The following PAQR5 variants were observed in gnomAD, a reference collection of about 807,000 sequenced individuals.
PAQR5 encodes membrane progestin receptor gamma.
Under a neutral mutation model 34.5 loss-of-function variants are expected in PAQR5, and 20 were observed. The ratio of observed to expected loss-of-function variants is 0.58; its 90% confidence interval spans 0.41 to 0.84. The LOEUF (loss-of-function observed/expected upper bound fraction) is 0.84, where lower values mean the gene tolerates loss of function less well. Ranked by LOEUF, PAQR5 falls within the 40% of genes least tolerant of loss-of-function variation. PAQR5 has a pLI of 0.00. For missense variants in PAQR5, 378 were observed against 412.7 expected (o/e 0.92, Z 0.73); for synonymous variants, 131 against 155.6 (o/e 0.84, Z 1.18).
intron 2 of PAQR5, among the ~76,000 whole-genome samples, chr15:69,348,898 A>T (rs572580416): frequency 6.6e-6 from 1 of 152,296 alleles, no homozygotes; most frequent in Admixed American, 6.5e-5. Context: ...GTGCCACTCG[A>T]ACTTTGCACT....
intron 1 of PAQR5, among the ~76,000 whole-genome samples, chr15:69,324,982 T>C (rs1372064333): frequency 6.6e-6 from 1 of 151,232 alleles, no homozygotes; most frequent in Non-Finnish European, 1.5e-5. Context: ...CATTACAATC[T>C]CTTCCTCCCA....
rs59970710 is a variant in PAQR5 at position 69,300,912 on chromosome 15, C to T, written c.-277+1856C>T. Among the ~76,000 whole-genome samples the T allele has an allele frequency of 2.8e-3, 36 of 13,058 alleles. 6 individuals are homozygous for T. Among genetic ancestry groups the T allele is most frequent in the East Asian group, 8.0e-3 (2 of 250 alleles). 8.6% of individuals were successfully genotyped at this position (13,058 alleles called of 152,430 possible). ...TTCTTTCTTCCTTCCTTCCTTCCTTCCTTTCTCTCTCTCTCTCTCTCTCTC... is the reference window on the plus strand; with the variant it reads ...TTCTTTCTTCCTTCCTTCCTTCCTTTCTTTCTCTCTCTCTCTCTCTCTCTC... On this transcript the variant is annotated intron_variant, in intron 1 of 8. Coordinates refer to ENST00000395407, the MANE Select transcript of PAQR5 (RefSeq NM_017705.4).
In PAQR5 at chr15:69,399,992, G is replaced by T. The variant is rs368802109; in HGVS notation, c.628G>T (p.Glu210Ter). ...IFYRLFLFPG[E>*]SAQNEATSYH... Reference sequence around the variant, plus strand: ...CCTGCAGCTATTCCTGTTCCCAGGGGAGAGTGCACAAAATGAAGCCACCTC... The same window carrying T: ...CCTGCAGCTATTCCTGTTCCCAGGGTAGAGTGCACAAAATGAAGCCACCTC... Residue 210 changes from glutamate to a stop codon, truncating the protein, a stop_gained, in exon 8 of 9, where the codon GAG becomes TAG. Transcript: ENST00000395407. LOFTEE classifies it high-confidence loss of function. 10 of 1,613,960 alleles carry T rather than the reference G, an allele frequency of 6.2e-6. No individual in the cohort carries two copies. Among genetic ancestry groups the T allele is most frequent in the Non-Finnish European group, 6.8e-6 (8 of 1,179,958 alleles).
chr15:69,371,803 A>T (rs1158470728), intron 3 of PAQR5, among the ~76,000 whole-genome samples: 2 of 152,210 alleles, frequency 1.3e-5, no homozygotes. Flanking sequence ...GAATAGCCAA[A>T]CCTAGATTTT....
intron 1 of PAQR5, among the ~76,000 whole-genome samples, chr15:69,306,699 C>CCG (rs953136129): frequency 6.6e-6 from 1 of 152,012 alleles, no homozygotes; most frequent in Non-Finnish European, 1.5e-5. Context: ...CACCGCCCCC[C>CCG]GCCCATTTAA....
rs1160285165 is a variant in PAQR5 at position 69,310,051 on chromosome 15, AAAAAAAC to A, written c.-277+11002_-277+11008del. ...TGACAGAGTGAGACTCCATATTAAA[AAAAAAAC>A]AAAAAAAACAAAACGAAACAACAAC... On this transcript the variant is annotated intron_variant, in intron 1 of 8. Coordinates refer to ENST00000395407, the MANE Select transcript of PAQR5 (RefSeq NM_017705.4). Among the ~76,000 whole-genome samples, 13 of 90,664 alleles carry A rather than the reference AAAAAAAC, an allele frequency of 1.4e-4. No individual in the cohort carries two copies. The Admixed American group carries it at 1.7e-3, about 12-fold the overall frequency. 59.5% of individuals were successfully genotyped at this position (90,664 alleles called of 152,430 possible).
intron 1 of PAQR5, among the ~76,000 whole-genome samples, chr15:69,324,744 C>T (rs2054206605): frequency 6.6e-6 from 1 of 152,142 alleles, no homozygotes. Context: ...CCTGCCACTC[C>T]ATACCCTGCG....
chr15:69,403,577 A>G lies in PAQR5; in HGVS notation c.752-4A>G, dbSNP rs752479649. On this transcript the variant is annotated splice_polypyrimidine_tract_variant and splice_region_variant and intron_variant, in intron 8 of 8. Coordinates refer to ENST00000395407, the MANE Select transcript of PAQR5 (RefSeq NM_017705.4). The stretch of plus-strand genomic sequence containing the variant: ...ATCTTGACGGCCTTTTGTGTTTGCC[A>G]TAGGTCACAGTCACCAGCTGTTTCA... 4.3e-6 allele frequency: 7 copies of G among 1,613,562 alleles called. No individual in the cohort carries two copies. In the African/African-American group the frequency reaches 6.7e-5, roughly 15 times the overall value.
intron 2 of PAQR5, among the ~76,000 whole-genome samples, chr15:69,351,569 G>T (rs2054918990): frequency 6.6e-6 from 1 of 152,196 alleles, no homozygotes; most frequent in South Asian, 2.1e-4. Flanking sequence ...TCCTACCTCA[G>T]GGGTATATAA....
At chr15:69,312,511 GTCA>G (rs1479805073) in intron 1 of PAQR5, among the ~76,000 whole-genome samples, 5 of 151,766 alleles carry the variant, frequency 3.3e-5, no homozygotes, top group South Asian at 2.1e-4. Flanking sequence ...CCTGGCAAAA[GTCA>G]TCCTCTTCTC....
intron 7 of PAQR5, among the ~76,000 whole-genome samples, chr15:69,399,740 C>T (rs1034563562): frequency 6.6e-5 from 10 of 152,198 alleles, no homozygotes; most frequent in Non-Finnish European, 1.2e-4. Flanking sequence ...ACAATAGTCT[C>T]GAGTCTCAAT....
At chr15:69,348,410 C>T (rs752081474) in intron 2 of PAQR5, among the ~76,000 whole-genome samples, 9 of 152,258 alleles carry the variant, frequency 5.9e-5, no homozygotes, top group East Asian at 1.9e-4. Flanking sequence ...AGTCTTTGAA[C>T]GCAGGTGTTT....
At position 69,307,289 on chromosome 15, in the gene PAQR5, T is replaced by G. The variant is rs145319620; in HGVS notation, c.-277+8233T>G. Reference sequence around the variant, plus strand: ...TGCTATGAACATGGAAATGCAAATATCTGTTTGTGTCCCTGCTCTCACTTC... The same window carrying G: ...TGCTATGAACATGGAAATGCAAATAGCTGTTTGTGTCCCTGCTCTCACTTC... On this transcript the variant is annotated intron_variant, in intron 1 of 8. Transcript: ENST00000395407. Among the ~76,000 whole-genome samples, 233 of 152,354 alleles carry G rather than the reference T, an allele frequency of 1.5e-3. 4 individuals are homozygous for G. Among genetic ancestry groups the G allele is most frequent in the African/African-American group, 5.3e-3 (222 of 41,580 alleles).
intron 1 of PAQR5, among the ~76,000 whole-genome samples, chr15:69,303,309 G>A (rs1420250487): frequency 1.3e-5 from 2 of 150,590 alleles, no homozygotes; most frequent in Non-Finnish European, 2.9e-5. Context: ...TGCTTAAGAG[G>A]CCCTTGGCAA....
At chr15:69,359,302 A>G (rs1012164139) in intron 2 of PAQR5, among the ~76,000 whole-genome samples, 2 of 152,186 alleles carry the variant, frequency 1.3e-5, no homozygotes, top group Non-Finnish European at 2.9e-5. Flanking sequence ...GTAATTGCCC[A>G]TATTATTGTC....
chr15:69,315,870 C>T (rs2053933672), intron 1 of PAQR5, among the ~76,000 whole-genome samples: 1 of 152,128 alleles, frequency 6.6e-6, no homozygotes, highest in African/African-American at 2.4e-5. Flanking sequence ...CACTGTCATG[C>T]ACTTGCCAGT....
chr15:69,340,647 A>T (rs1212534201), intron 2 of PAQR5, among the ~76,000 whole-genome samples: 4 of 152,120 alleles, frequency 2.6e-5, no homozygotes, highest in African/African-American at 9.7e-5. Context: ...TGGTGGATTC[A>T]GGCATTGGCA....
intron 2 of PAQR5, among the ~76,000 whole-genome samples, chr15:69,349,149 A>G (rs1020785438): frequency 6.6e-6 from 1 of 152,098 alleles, no homozygotes; most frequent in Non-Finnish European, 1.5e-5. Context: ...GGCACCATCC[A>G]ATTAGCATCC....
At chr15:69,348,740 C>T (rs28442283) in intron 2 of PAQR5, among the ~76,000 whole-genome samples, 9 of 144,738 alleles carry the variant, frequency 6.2e-5, no homozygotes, top group South Asian at 4.2e-4. Flanking sequence ...ACTCCAGAGA[C>T]GGTAGGTTTT....
Sources: gnomAD v4.1 joint callset for allele counts (sites outside exome capture counted in the v4.1 genomes callset) on GRCh38, gnomAD v4.1.1 for gene constraint, MANE v1.5 for transcripts, NCBI Gene and HGNC (gene_info 2026-07-23, HGNC 2026-07-21) for gene names.